The following SDK1 variants were observed in gnomAD, a reference collection of about 807,000 sequenced individuals.
SDK1 encodes protein sidekick-1.
SDK1 carries 157 observed loss-of-function variants against 245.5 expected under a neutral mutation model. The observed-to-expected ratio is 0.64, with a 90% confidence interval of 0.56 to 0.73. The LOEUF is 0.73. Ranked by LOEUF, SDK1 falls within the 30% of genes least tolerant of loss-of-function variation. The probability of loss-of-function intolerance (pLI) is 0.00; values close to 1 mark genes in which losing one functional copy is unlikely to be tolerated. For missense variants in SDK1, 3,583 were observed against 3,002.3 expected, an observed-to-expected ratio of 1.19 and a Z score of -4.52; for synonymous variants, 1,647 against 1,278.5, an observed-to-expected ratio of 1.29 and a Z score of -6.15.
chr7:3,517,606 C>G (rs1022583459), intron 1 of SDK1, among the ~76,000 whole-genome samples: 3 of 152,142 alleles, frequency 2.0e-5, no homozygotes, highest in Admixed American at 1.3e-4. Context: ...AGCTCAGAGC[C>G]TGTCCCGCCT....
intron 1 of SDK1, among the ~76,000 whole-genome samples, chr7:3,371,469 T>G (rs1022449006): frequency 4.6e-5 from 7 of 151,594 alleles, no homozygotes; most frequent in Admixed American, 4.6e-4. Context: ...AAAAGAAACA[T>G]GACTTTGGGA....
intron 5 of SDK1, among the ~76,000 whole-genome samples, chr7:3,884,543 T>G (rs1781292104): frequency 6.6e-6 from 1 of 152,162 alleles, no homozygotes; most frequent in Admixed American, 6.5e-5. Context: ...TCAGGGAGAT[T>G]AGGCACCTGG....
intron 4 of SDK1, among the ~76,000 whole-genome samples, chr7:3,692,975 G>T (rs1784476188): frequency 6.6e-6 from 1 of 151,788 alleles, no homozygotes; most frequent in Admixed American, 6.6e-5. Context: ...TTTCACGTGT[G>T]TACCTGTAAT....
chr7:3,664,142 A>T (rs1783452574), intron 4 of SDK1, among the ~76,000 whole-genome samples: 1 of 152,100 alleles, frequency 6.6e-6, no homozygotes, highest in South Asian at 2.1e-4. Flanking sequence ...TGCCACTGGG[A>T]GATATTTTTC....
At chr7:3,417,593 C>T (rs951114409) in intron 1 of SDK1, among the ~76,000 whole-genome samples, 1 of 152,178 alleles carries the variant, frequency 6.6e-6, no homozygotes, top group African/African-American at 2.4e-5. Context: ...TATCTGTGCT[C>T]ATTAACCTCT....
chr7:3,678,135 G>T (rs1783967912), intron 4 of SDK1, among the ~76,000 whole-genome samples: 2 of 152,204 alleles, frequency 1.3e-5, no homozygotes, highest in South Asian at 4.1e-4. Flanking sequence ...AAATTAACAA[G>T]TGTTGGTGAG....
chr7:4,216,204 C>T (rs183217762), intron 38 of SDK1, among the ~76,000 whole-genome samples: 2 of 152,314 alleles, frequency 1.3e-5, no homozygotes, highest in Admixed American at 6.5e-5. Context: ...AGGACGACAA[C>T]GCCACACGAT....
intron 4 of SDK1, among the ~76,000 whole-genome samples, chr7:3,804,762 C>G (rs967233125): frequency 2.6e-5 from 4 of 152,150 alleles, no homozygotes; most frequent in Non-Finnish European, 5.9e-5. Flanking sequence ...TTTCAGCATA[C>G]AAGTTCTGTA....
intron 1 of SDK1, among the ~76,000 whole-genome samples, chr7:3,574,595 C>T (rs976593728): frequency 2.6e-5 from 4 of 152,094 alleles, no homozygotes; most frequent in African/African-American, 4.8e-5. Context: ...CTGGGTGCAG[C>T]GTGCCTGCCA....
At chr7:3,824,424 G>A (rs1779722311) in intron 5 of SDK1, among the ~76,000 whole-genome samples, 2 of 152,186 alleles carry the variant, frequency 1.3e-5, no homozygotes, top group South Asian at 2.1e-4. Flanking sequence ...TTTATGTAGT[G>A]AACACCATCG....
rs551875794 is a variant in SDK1 at position 3,598,490 on chromosome 7, A to G, written c.299-20590A>G. On this transcript the variant is annotated intron_variant, in intron 1 of 44. Transcript: ENST00000404826. Reference sequence around the variant, plus strand: ...TACCCATGTAGACTCTCCCAATGGTAACATGTTACAAAAGTATAATACGGT... The same window carrying G: ...TACCCATGTAGACTCTCCCAATGGTGACATGTTACAAAAGTATAATACGGT... 3.8e-4 allele frequency among the ~76,000 whole-genome samples: 58 copies of G among 152,330 alleles called. 1 individual carries two copies. Among genetic ancestry groups the G allele is most frequent in the Non-Finnish European group, 6.5e-4 (44 of 68,022 alleles).
intron 4 of SDK1, among the ~76,000 whole-genome samples, chr7:3,803,018 A>G (rs1264119951): frequency 1.3e-5 from 2 of 152,176 alleles, no homozygotes; most frequent in South Asian, 2.1e-4. Flanking sequence ...GAATGTAAGT[A>G]TATGTTTGGC....
Position 4,267,059 on chromosome 7 carries a change from G to C in SDK1, c.*1675G>C, listed in dbSNP as rs868803039. The C allele has an allele frequency of 4.1e-6, 4 of 985,526 alleles. No homozygotes were observed. Among genetic ancestry groups the C allele is most frequent in the East Asian group, 2.3e-4 (2 of 8,812 alleles). 61.0% of individuals were successfully genotyped at this position (985,526 alleles called of 1,614,324 possible). On this transcript the variant is annotated 3_prime_UTR_variant, in exon 45 of 45. Transcript: ENST00000404826. ...GGTGTGGATATTGCCTGGATTCTGT[G>C]CTGTCAGCGTTGCTGAGTATGGCCC...
chr7:3,676,542 G>GAA (rs1783906861), intron 4 of SDK1, among the ~76,000 whole-genome samples: 4 of 151,604 alleles, frequency 2.6e-5, no homozygotes, highest in Non-Finnish European at 4.4e-5. Context: ...AGCCGGGATG[G>GAA]TCTCAATCTC....
intron 6 of SDK1, 52 bp downstream of exon 6, chr7:3,951,086 A>G: frequency 7.7e-7 from 1 of 1,305,036 alleles, no homozygotes; most frequent in Non-Finnish European, 1.1e-6. Flanking sequence ...ATGACCTGTG[A>G]CGAGCCGACG....
chr7:4,003,607 G>A (rs1218437876), intron 14 of SDK1, among the ~76,000 whole-genome samples: 2 of 152,242 alleles, frequency 1.3e-5, no homozygotes, highest in African/African-American at 4.8e-5. Context: ...GAAGACCAGG[G>A]AGGTAAAGCG....
At chr7:3,343,881 T>A (rs1780420858) in intron 1 of SDK1, among the ~76,000 whole-genome samples, 1 of 152,112 alleles carries the variant, frequency 6.6e-6, no homozygotes, top group Non-Finnish European at 1.5e-5. Context: ...ATGGCAGTGT[T>A]GATATCAGAT....
chr7:4,044,398 A>C (rs2128163842), intron 17 of SDK1, among the ~76,000 whole-genome samples: 1 of 152,360 alleles, frequency 6.6e-6, no homozygotes, highest in South Asian at 2.1e-4. Context: ...TTTCAGACAT[A>C]GACACCACCT....
intron 5 of SDK1, among the ~76,000 whole-genome samples, chr7:3,935,447 T>G (rs573517586): frequency 2.8e-4 from 42 of 152,272 alleles, no homozygotes; most frequent in African/African-American, 8.9e-4. Flanking sequence ...AGGCAACCTG[T>G]GGAATGGGAG....
Sources: gnomAD v4.1 joint callset for allele counts (sites outside exome capture counted in the v4.1 genomes callset) on GRCh38, gnomAD v4.1.1 for gene constraint, MANE v1.5 for transcripts, NCBI Gene and HGNC (gene_info 2026-07-23, HGNC 2026-07-21) for gene names.